The following SLC9C2 variants were observed in gnomAD, a reference collection of about 807,000 sequenced individuals.
The protein encoded by SLC9C2 is sodium/hydrogen exchanger 11.
Under a neutral mutation model 140.2 loss-of-function variants are expected in SLC9C2, and 75 were observed. The observed-to-expected ratio is 0.53, with a 90% CI of 0.44 to 0.65. The LOEUF (loss-of-function observed/expected upper bound fraction) is 0.65. SLC9C2 is among the 30% of genes least tolerant of loss of function. The pLI, the probability that SLC9C2 is intolerant of heterozygous loss-of-function variation, is 0.00. For synonymous variants in SLC9C2, 375 were observed against 420.9 expected (o/e 0.89, Z 1.34); for missense variants, 1,074 against 1,331.8 (o/e 0.81, Z 3.01).
chr1:173,516,815 C>T (rs1323387832), intron 23 of SLC9C2, among the ~76,000 whole-genome samples: 4 of 152,250 alleles, frequency 2.6e-5, no homozygotes, highest in South Asian at 4.1e-4. Context: ...ATTTACATTC[C>T]TTTGGGTATA....
At position 173,581,808 on chromosome 1, in the gene SLC9C2, C is replaced by T. The variant is rs749682015; in HGVS notation, c.802+39G>A. The T allele has an allele frequency of 2.0e-6, 3 of 1,463,854 alleles. No individual in the cohort carries two copies. The South Asian group carries it at 4.6e-5, about 22-fold the overall frequency. The allele number at this position is 1,463,854 out of a possible 1,614,324, so 90.7% of individuals were successfully genotyped here. On this transcript the variant is annotated intron_variant, in intron 7 of 27. Transcript: ENST00000367714. ...AAAAAATAAACATGTATAAAACTTACTTTAAGGACAGTAATTTTTGTATTT... is the reference window on the plus strand; with the variant it reads ...AAAAAATAAACATGTATAAAACTTATTTTAAGGACAGTAATTTTTGTATTT...
chr1:173,504,221 T>C (rs1659473883), intron 26 of SLC9C2, among the ~76,000 whole-genome samples: 1 of 152,106 alleles, frequency 6.6e-6, no homozygotes, highest in Non-Finnish European at 1.5e-5. Context: ...CATATGACCC[T>C]AGAAGAGGGT....
At chr1:173,521,718 A>G (rs1660834329) in intron 21 of SLC9C2, among the ~76,000 whole-genome samples, 1 of 151,526 alleles carries the variant, frequency 6.6e-6, no homozygotes, top group African/African-American at 2.4e-5. Flanking sequence ...TGGAATAAAT[A>G]TGCATATTTA....
At position 173,537,025 on chromosome 1, in the gene SLC9C2, T is replaced by C; in HGVS notation, c.1572A>G (p.Lys524=). 1 of 1,613,336 alleles carries C rather than the reference T, an allele frequency of 6.2e-7. No homozygotes were observed. The highest frequency in any genetic ancestry group is 8.5e-7 in the Non-Finnish European group (1 of 1,179,466). The change falls in exon 14 of 28, where the codon AAA becomes AAG. Residue 524 remains lysine, a synonymous_variant. Transcript: ENST00000367714. The stretch of plus-strand genomic sequence containing the variant: ...TTTCAAGAATTCCATTGTTACGCTG[T>C]TTTTCAAAGCTACTCTAAACATACA... ...VAAIQMSSFE[K]QRNNGILEIE...
rs1032481471 is a variant in SLC9C2, at chr1:173,527,214, A to G, written c.2314-500T>C. Among the ~76,000 whole-genome samples the G allele has an allele frequency of 2.0e-5, 3 of 152,194 alleles. No individual in the cohort carries two copies. In the South Asian group the frequency reaches 6.2e-4, roughly 31 times the overall value. On this transcript the variant is annotated intron_variant, in intron 18 of 27. Coordinates refer to ENST00000367714, the MANE Select transcript of SLC9C2 (RefSeq NM_178527.4). ...CATTTCACCTAGTTTTAGAAAAGCT[A>G]TTGGCTCATTTCTTCCCTCTGGGTC...
chr1:173,545,357 G>C (rs1219711220), intron 13 of SLC9C2, among the ~76,000 whole-genome samples: 1 of 152,170 alleles, frequency 6.6e-6, no homozygotes, highest in African/African-American at 2.4e-5. Flanking sequence ...AAATCAAACT[G>C]AGAAAGCCAC....
intron 5 of SLC9C2, 48 bp downstream of exon 5, chr1:173,587,617 T>C (rs1299263570): frequency 6.7e-7 from 1 of 1,489,330 alleles, no homozygotes; most frequent in Non-Finnish European, 9.2e-7. Flanking sequence ...AAGAAAATAA[T>C]GTACCCTTAT....
rs145796161 is a variant in SLC9C2 at position 173,540,658 on chromosome 1, A to T, written c.1558-3619T>A. Among the ~76,000 whole-genome samples the T allele has an allele frequency of 4.4e-3, 666 of 152,340 alleles. 6 individuals carry two copies. Among genetic ancestry groups the T allele is most frequent in the African/African-American group, 0.015 (624 of 41,568 alleles). On this transcript the variant is annotated intron_variant, in intron 13 of 27. Coordinates refer to ENST00000367714, the MANE Select transcript of SLC9C2 (RefSeq NM_178527.4). ...CGGAAGACAGAAAATGTACCTCATG[A>T]ATCTGCTAAGAGGATTTCTAGATTT...
At chr1:173,506,300 G>C (rs1489722194) in intron 25 of SLC9C2, among the ~76,000 whole-genome samples, 1 of 152,196 alleles carries the variant, frequency 6.6e-6, no homozygotes, top group African/African-American at 2.4e-5. Context: ...CCTTTGCCCA[G>C]TGGCAGGCAG....
At chr1:173,560,888 C>T (rs532506117) in intron 9 of SLC9C2, among the ~76,000 whole-genome samples, 171 of 152,176 alleles carry the variant, frequency 1.1e-3, no homozygotes, top group Non-Finnish European at 2.0e-3. Flanking sequence ...CCTCTGTCTC[C>T]CAGGTTCAAG....
At chr1:173,519,923 C>T (rs1043886922) in intron 22 of SLC9C2, among the ~76,000 whole-genome samples, 8 of 151,972 alleles carry the variant, frequency 5.3e-5, no homozygotes, top group Non-Finnish European at 7.4e-5. Context: ...CCAAGGCGGG[C>T]GGATCACTTG....
At chr1:173,548,882 T>C (rs970873363) in intron 11 of SLC9C2, among the ~76,000 whole-genome samples, 1 of 152,196 alleles carries the variant, frequency 6.6e-6, no homozygotes, top group African/African-American at 2.4e-5. Context: ...GGGCTGCCTA[T>C]TAAACTATGC....
intron 21 of SLC9C2, 78 bp from the exon 22 acceptor site, chr1:173,521,477 C>CTATATATATATATATA (rs146332693): frequency 8.2e-5 from 21 of 254,552 alleles, no homozygotes; most frequent in Non-Finnish European, 1.4e-4. Context: ...TAAATATTTT[C>CTATATATATATATATA]TATATATATA....
chr1:173,532,892 G>A (rs1487288961), intron 17 of SLC9C2, among the ~76,000 whole-genome samples: 1 of 152,092 alleles, frequency 6.6e-6, no homozygotes, highest in Non-Finnish European at 1.5e-5. Flanking sequence ...ATTAAAAAAT[G>A]TAAAAAGAAA....
chr1:173,534,044 A>G (rs1368007084), intron 16 of SLC9C2, among the ~76,000 whole-genome samples: 2 of 152,170 alleles, frequency 1.3e-5, no homozygotes, highest in African/African-American at 4.8e-5. Context: ...AGCAATAAAC[A>G]GATTCATTGC....
chr1:173,598,023 T>C lies in SLC9C2; in HGVS notation c.238A>G (p.Ile80Val). The change falls in exon 4 of 28, where the codon ATT (isoleucine) becomes GTT (valine). Residue 80 changes from isoleucine to valine, a missense_variant. Coordinates refer to ENST00000367714, the MANE Select transcript of SLC9C2 (RefSeq NM_178527.4). ...MAYNSVEVHQ[I>V]VYPLLRTSSF... Reference sequence around the variant, plus strand: ...GATGTTCTTAGAAGAGGGTAGACAATTTGGTGCACCTAAAGTAACAAAGGC... The same window carrying C: ...GATGTTCTTAGAAGAGGGTAGACAACTTGGTGCACCTAAAGTAACAAAGGC... 1 of 1,586,028 alleles carries C rather than the reference T, an allele frequency of 6.3e-7. No individual in the cohort carries two copies. The highest frequency in any genetic ancestry group is 1.1e-5 in the South Asian group (1 of 87,444).
Position 173,500,919 on chromosome 1 carries a change from G to A in SLC9C2, c.*175C>T. On this transcript the variant is annotated 3_prime_UTR_variant, in exon 28 of 28. Transcript: ENST00000367714. ...CTTAAAATTAAGAAGTTTTACAGAA[G>A]TCCATCCATTGCTTATAAACTAAAT... The A allele has an allele frequency of 3.4e-6, 2 of 587,888 alleles. No homozygotes were observed. The highest frequency in any genetic ancestry group is 5.0e-6 in the Non-Finnish European group (2 of 398,974). The allele number at this position is 587,888 out of a possible 1,614,324, so 36.4% of individuals were successfully genotyped here.
intron 26 of SLC9C2, among the ~76,000 whole-genome samples, chr1:173,504,369 G>T (rs1659482636): frequency 6.6e-6 from 1 of 152,162 alleles, no homozygotes. Context: ...ACAGTACCCA[G>T]CACACAGCGG....
chr1:173,574,393 T>A (rs553374484), intron 8 of SLC9C2, among the ~76,000 whole-genome samples: 1 of 152,272 alleles, frequency 6.6e-6, no homozygotes, highest in East Asian at 1.9e-4. Flanking sequence ...ATCTCTTAAT[T>A]CAATTGGTTC....
Sources: allele counts gnomAD v4.1 joint callset (sites outside exome capture counted in the v4.1 genomes callset), GRCh38; gene constraint gnomAD v4.1.1; transcripts MANE v1.5; gene names NCBI Gene and HGNC (gene_info 2026-07-23, HGNC 2026-07-21).